ADCY3: variants seen among roughly 807,000 people sequenced by gnomAD.
ADCY3 encodes the protein adenylate cyclase type 3.
In ADCY3, 70 loss-of-function variants were observed where a neutral mutation model predicts 119.4. That is an observed-to-expected ratio of 0.59 (90% CI 0.48 to 0.72). The LOEUF (loss-of-function observed/expected upper bound fraction) is 0.72, where lower values mean the gene tolerates loss of function less well. Among genes scored for constraint, ADCY3 ranks in the 30% least tolerant of loss-of-function variants. ADCY3 has a pLI of 0.00. For missense variants in ADCY3, 1,238 were observed against 1,541.6 expected, an observed-to-expected ratio of 0.80 and a Z score of 3.30; for synonymous variants, 672 against 621.4, an observed-to-expected ratio of 1.08 and a Z score of -1.21.
intron 3 of ADCY3, among the ~76,000 whole-genome samples, chr2:24,856,118 G>C (rs1358499677): frequency 6.6e-6 from 1 of 152,240 alleles, no homozygotes; most frequent in Admixed American, 6.5e-5. Flanking sequence ...GTAAGAGGGA[G>C]ACAGTTAGGT....
intron 13 of ADCY3, among the ~76,000 whole-genome samples, chr2:24,830,082 CT>C (rs1263919023): frequency 1.2e-4 from 12 of 104,030 alleles, no homozygotes; most frequent in African/African-American, 3.8e-4. Context: ...TTGCTGTCGC[CT>C]AGGCTGGAGT....
At chr2:24,881,126 G>C (rs749956959) in intron 2 of ADCY3, among the ~76,000 whole-genome samples, 1 of 152,176 alleles carries the variant, frequency 6.6e-6, no homozygotes, top group Non-Finnish European at 1.5e-5. Context: ...TGCCCATGAG[G>C]GCTGGCTTTT....
intron 3 of ADCY3, among the ~76,000 whole-genome samples, chr2:24,851,489 G>A (rs1487628535): frequency 6.6e-6 from 1 of 152,182 alleles, no homozygotes; most frequent in Non-Finnish European, 1.5e-5. Flanking sequence ...TAGGCACAGA[G>A]AGATGAAGTT....
At chr2:24,823,884 G>C (rs952318127) in intron 17 of ADCY3, among the ~76,000 whole-genome samples, 68 of 151,846 alleles carry the variant, frequency 4.5e-4, no homozygotes, top group Admixed American at 2.0e-4. Flanking sequence ...GTAGAGACAG[G>C]GTTTCACTAT....
chr2:24,875,366 C>T (rs955976342), intron 2 of ADCY3, among the ~76,000 whole-genome samples: 17 of 152,358 alleles, frequency 1.1e-4, no homozygotes, highest in Non-Finnish European at 1.8e-4. Context: ...CCCCACCCCC[C>T]GTGGGTGTAG....
intron 2 of ADCY3, among the ~76,000 whole-genome samples, chr2:24,903,239 T>C (rs1190245859): frequency 6.6e-5 from 10 of 152,124 alleles, no homozygotes; most frequent in Non-Finnish European, 7.4e-5. Flanking sequence ...GTCAACTGTA[T>C]GCTGAAGCCA....
intron 17 of ADCY3, 118 bp from the exon 18 acceptor site, chr2:24,823,473 T>C: frequency 2.0e-6 from 2 of 1,019,198 alleles, no homozygotes; most frequent in Non-Finnish European, 2.8e-6. Flanking sequence ...GACTCACACA[T>C]CAGTCAGATT....
At chr2:24,850,217 T>A (rs546754158) in intron 3 of ADCY3, among the ~76,000 whole-genome samples, 18 of 152,228 alleles carry the variant, frequency 1.2e-4, no homozygotes, top group Middle Eastern at 3.4e-3. Flanking sequence ...CGATTGGTGC[T>A]GGCCTTGTTT....
intron 2 of ADCY3, among the ~76,000 whole-genome samples, chr2:24,892,592 T>C (rs1677796749): frequency 6.6e-6 from 1 of 152,220 alleles, no homozygotes; most frequent in South Asian, 2.1e-4. Flanking sequence ...TGTGTGTCTT[T>C]GAGAACATTT....
rs542028298 is a variant in ADCY3 at position 24,918,232 on chromosome 2, G to A, written c.675+81C>T. The A allele has an allele frequency of 5.4e-6, 8 of 1,471,294 alleles. No individual in the cohort carries two copies. The East Asian group carries it at 1.6e-4, about 30-fold the overall frequency. The allele number at this position is 1,471,294 out of a possible 1,614,324, so 91.1% of individuals were successfully genotyped here. On this transcript the variant is annotated intron_variant, in intron 2 of 21. Transcript: ENST00000679454. This position sits in a 1 kb window ranked among gnomAD's most constrained non-coding sequence, Gnocchi z 5.4. ...GGACACATTTTGACTCAAAGGCAAA[G>A]CAAACAGCAACTCCAACAGGTCCCA...
chr2:24,887,581 G>C (rs778570404), intron 2 of ADCY3, among the ~76,000 whole-genome samples: 1 of 151,900 alleles, frequency 6.6e-6, no homozygotes, highest in Non-Finnish European at 1.5e-5. Flanking sequence ...TGGTTCCCCC[G>C]GCATCTGGCT....
intron 2 of ADCY3, among the ~76,000 whole-genome samples, chr2:24,881,383 G>A (rs1202094991): frequency 6.6e-6 from 1 of 152,178 alleles, no homozygotes; most frequent in Non-Finnish European, 1.5e-5. Flanking sequence ...GTTAGGACAG[G>A]TCTCTCGGAA....
intron 2 of ADCY3, among the ~76,000 whole-genome samples, chr2:24,905,521 CAG>C (rs1163125468): frequency 1.3e-5 from 2 of 152,164 alleles, no homozygotes; most frequent in East Asian, 1.9e-4. Context: ...ACACCCCAGT[CAG>C]GGGTTGGGAA....
At chr2:24,859,715 C>T (rs113360847) in intron 3 of ADCY3, among the ~76,000 whole-genome samples, 7 of 152,182 alleles carry the variant, frequency 4.6e-5, no homozygotes, top group African/African-American at 1.2e-4. Flanking sequence ...CCTGTAAGAC[C>T]GGCATGAAGG....
chr2:24,867,643 C>T (rs950233307), intron 3 of ADCY3, among the ~76,000 whole-genome samples: 1 of 152,252 alleles, frequency 6.6e-6, no homozygotes, highest in East Asian at 1.9e-4. Flanking sequence ...AATAAGCACA[C>T]TCCTAGGTAA....
chr2:24,830,958 C>T, intron 12 of ADCY3, 133 bp from the exon 13 acceptor site: 1 of 689,080 alleles, frequency 1.5e-6, no homozygotes, highest in Non-Finnish European at 2.5e-6. Context: ...TGGGAGTCAC[C>T]TGACAGCTGA....
chr2:24,904,247 T>C (rs1222822925), intron 2 of ADCY3, among the ~76,000 whole-genome samples: 1 of 152,174 alleles, frequency 6.6e-6, no homozygotes, highest in East Asian at 1.9e-4. Flanking sequence ...TCCACTATTC[T>C]AGCCGGGTGT....
At chr2:24,869,678 T>C (rs1352564953) in intron 3 of ADCY3, among the ~76,000 whole-genome samples, 1 of 152,172 alleles carries the variant, frequency 6.6e-6, no homozygotes, top group Non-Finnish European at 1.5e-5. Flanking sequence ...AGTGCTGATA[T>C]TACAGGCATA....
chr2:24,886,302 C>T (rs1043796422), intron 2 of ADCY3, among the ~76,000 whole-genome samples: 1 of 152,212 alleles, frequency 6.6e-6, no homozygotes, highest in Non-Finnish European at 1.5e-5. Flanking sequence ...AAACACAACC[C>T]TGCACCCCCA....
Sources: allele counts gnomAD v4.1 joint callset (sites outside exome capture counted in the v4.1 genomes callset), GRCh38; gene constraint gnomAD v4.1.1; non-coding constraint Gnocchi (gnomAD v3.1); transcripts MANE v1.5; gene names NCBI Gene and HGNC (gene_info 2026-07-23, HGNC 2026-07-21).